GFRA1: variants seen among roughly 807,000 people sequenced by gnomAD.
GFRA1 encodes GDNF family receptor alpha 1, also known as GDNF family receptor alpha-1.
GFRA1 carries 16 observed loss-of-function variants against 51.6 expected under a neutral mutation model. That is an observed-to-expected ratio of 0.31 (90% CI 0.21 to 0.47). GFRA1 has a LOEUF of 0.47. GFRA1 is among the 20% of genes least tolerant of loss of function. The probability of loss-of-function intolerance (pLI) is 1.00; values close to 1 mark genes in which losing one functional copy is unlikely to be tolerated. For missense variants in GFRA1, 530 were observed against 594.3 expected, an observed-to-expected ratio of 0.89 and a Z score of 1.13; for synonymous variants, 270 against 241.3, an observed-to-expected ratio of 1.12 and a Z score of -1.10.
chr10:116,240,223 G>A (rs963989846), intron 4 of GFRA1, among the ~76,000 whole-genome samples: 5 of 151,950 alleles, frequency 3.3e-5, no homozygotes, highest in Admixed American at 3.3e-4. Context: ...GCTGACCTAA[G>A]GCACCAGCCT....
At chr10:116,066,701 G>A (rs922322135) in intron 9 of GFRA1, among the ~76,000 whole-genome samples, 7 of 152,190 alleles carry the variant, frequency 4.6e-5, no homozygotes, top group Non-Finnish European at 8.8e-5. Flanking sequence ...GCTACCTCCT[G>A]CATCACAGTG....
At chr10:116,074,115 A>T (rs898213261) in intron 9 of GFRA1, among the ~76,000 whole-genome samples, 1 of 152,174 alleles carries the variant, frequency 6.6e-6, no homozygotes, top group Non-Finnish European at 1.5e-5. Context: ...CCTTTTACCA[A>T]ATACACCCAT....
intron 4 of GFRA1, among the ~76,000 whole-genome samples, chr10:116,230,489 A>T (rs189324575): frequency 1.3e-5 from 2 of 152,326 alleles, no homozygotes; most frequent in East Asian, 3.9e-4. Context: ...AGTTCCTGGA[A>T]ACGTGCTACA....
At chr10:116,189,600 T>C (rs188536730) in intron 5 of GFRA1, among the ~76,000 whole-genome samples, 4 of 152,292 alleles carry the variant, frequency 2.6e-5, no homozygotes, top group Admixed American at 6.5e-5. Context: ...AGCAGAATTA[T>C]TACATAAACA....
At chr10:116,096,909 A>ACACACAC in intron 6 of GFRA1, 145 bp from the exon 7 acceptor site, 1 of 658,236 alleles carries the variant, frequency 1.5e-6, no homozygotes, top group Non-Finnish European at 2.8e-6. Context: ...ACATACACAC[A>ACACACAC]AAATACGTAG....
At chr10:116,197,556 T>C (rs1340359366) in intron 5 of GFRA1, among the ~76,000 whole-genome samples, 1 of 152,168 alleles carries the variant, frequency 6.6e-6, no homozygotes, top group Admixed American at 6.5e-5. Context: ...ATCTGTGTAT[T>C]TTATATATAA....
chr10:116,076,919 C>G (rs1284917695), intron 9 of GFRA1, among the ~76,000 whole-genome samples: 3 of 152,166 alleles, frequency 2.0e-5, no homozygotes, highest in Admixed American at 2.0e-4. Flanking sequence ...ATCATGCCTT[C>G]TCCCAGATGC....
chr10:116,102,376 G>A (rs912762307), intron 6 of GFRA1, among the ~76,000 whole-genome samples: 5 of 152,212 alleles, frequency 3.3e-5, no homozygotes, highest in African/African-American at 1.2e-4. Flanking sequence ...ATGCAGATGG[G>A]ACAAGAGGGT....
chr10:116,169,540 GAGAGA>G lies in GFRA1; in HGVS notation c.433+42086_433+42090del, dbSNP rs1449778880. Among the ~76,000 whole-genome samples, 9 of 152,318 alleles carry G rather than the reference GAGAGA, an allele frequency of 5.9e-5. No individual in the cohort carries two copies. In the East Asian group the frequency reaches 1.4e-3, roughly 23 times the overall value. On this transcript the variant is annotated intron_variant, in intron 5 of 10. Coordinates refer to ENST00000355422, the MANE Select transcript of GFRA1 (RefSeq NM_005264.8). ...GGAGCAGAGCGCTGTGGCAGAAAAG[GAGAGA>G]AGAGAAGAAGTGTCCAAACATCAAG...
intron 4 of GFRA1, among the ~76,000 whole-genome samples, chr10:116,232,330 G>A (rs1012804891): frequency 1.3e-5 from 2 of 152,144 alleles, no homozygotes; most frequent in Non-Finnish European, 1.5e-5. Flanking sequence ...TAGCAGTTGG[G>A]TGATCTTAAA....
intron 6 of GFRA1, among the ~76,000 whole-genome samples, chr10:116,110,350 T>C (rs1957159650): frequency 6.6e-6 from 1 of 152,096 alleles, no homozygotes; most frequent in African/African-American, 2.4e-5. Flanking sequence ...GTGTTTTACA[T>C]GCAGGGAGAC....
At chr10:116,265,883 C>T (rs1438900364) in intron 4 of GFRA1, among the ~76,000 whole-genome samples, 1 of 152,158 alleles carries the variant, frequency 6.6e-6, no homozygotes, top group Non-Finnish European at 1.5e-5. Context: ...AACACACCTC[C>T]TCAAGCCCTT....
intron 9 of GFRA1, among the ~76,000 whole-genome samples, chr10:116,074,690 T>TAGGA (rs1183139243): frequency 1.3e-5 from 2 of 152,124 alleles, no homozygotes; most frequent in Non-Finnish European, 2.9e-5. Context: ...CTGTCTTGAG[T>TAGGA]TTCCTCTCCA....
At chr10:116,200,415 C>T (rs935000087) in intron 5 of GFRA1, among the ~76,000 whole-genome samples, 1 of 152,196 alleles carries the variant, frequency 6.6e-6, no homozygotes, top group African/African-American at 2.4e-5. Context: ...TTCTTAACTT[C>T]TACTTAAGTT....
chr10:116,185,725 C>A (rs906024099), intron 5 of GFRA1, among the ~76,000 whole-genome samples: 1 of 152,236 alleles, frequency 6.6e-6, no homozygotes, highest in Non-Finnish European at 1.5e-5. Flanking sequence ...CCCACCCCAA[C>A]TCCGTTATTA....
chr10:116,217,278 C>A (rs1254259799), intron 4 of GFRA1, among the ~76,000 whole-genome samples: 1 of 152,196 alleles, frequency 6.6e-6, no homozygotes, highest in Non-Finnish European at 1.5e-5. Flanking sequence ...CCGGAGTAAT[C>A]ACTCAACATA....
chr10:116,203,896 GA>G (rs1964530612), intron 5 of GFRA1, among the ~76,000 whole-genome samples: 2 of 152,224 alleles, frequency 1.3e-5, no homozygotes, highest in African/African-American at 4.8e-5. Flanking sequence ...CCTTTGCATA[GA>G]AACAAGACAC....
chr10:116,238,001 G>C (rs534012493), intron 4 of GFRA1, among the ~76,000 whole-genome samples: 2 of 152,244 alleles, frequency 1.3e-5, no homozygotes, highest in East Asian at 3.9e-4. Flanking sequence ...TTGCAGCACA[G>C]CTCTTCCTCG....
chr10:116,202,042 G>T (rs558642433), intron 5 of GFRA1, among the ~76,000 whole-genome samples: 1 of 152,132 alleles, frequency 6.6e-6, no homozygotes, highest in African/African-American at 2.4e-5. Flanking sequence ...CGATTCCTCC[G>T]AGCTTTGTCC....
Sources: allele counts gnomAD v4.1 joint callset (sites outside exome capture counted in the v4.1 genomes callset), GRCh38; gene constraint gnomAD v4.1.1; transcripts MANE v1.5; gene names NCBI Gene and HGNC (gene_info 2026-07-23, HGNC 2026-07-21).